The following CHST4 variants were observed in gnomAD, a reference collection of about 807,000 sequenced individuals.
The protein encoded by CHST4 is carbohydrate sulfotransferase 4.
For missense variants in CHST4, 466 were observed against 506.0 expected (o/e 0.92, Z 0.76); for synonymous variants, 171 against 195.5 (o/e 0.87, Z 1.05).
In CHST4 at chr16:71,537,444, T is replaced by G; in HGVS notation, c.767T>G (p.Ile256Ser). ...MQVICQSQLE[I>S]YKTIQSLPKA... ...GTCATCTGCCAAAGCCAGCTGGAGA[T>G]CTACAAGACCATCCAGTCCTTGCCC... The change falls in exon 2 of 2, where the codon ATC becomes AGC. Residue 256 changes from isoleucine (I) to serine (S), a missense_variant. Ile to Ser is a moderately radical substitution (Grantham distance 142). Coordinates refer to ENST00000539698, the MANE Select transcript of CHST4 (RefSeq NM_001166395.2). The surrounding 1 kb of genome is among the most constrained non-coding windows in gnomAD (Gnocchi z 4.2). 1 of 1,614,106 alleles carries G rather than the reference T, an allele frequency of 6.2e-7. No individual in the cohort carries two copies. Among genetic ancestry groups the G allele is most frequent in the East Asian group, 2.2e-5 (1 of 44,868 alleles).
rs1381534071 is a variant in CHST4, at chr16:71,537,241, C to G, written c.564C>G (p.Tyr188Ter). The G allele has an allele frequency of 6.2e-7, 1 of 1,614,222 alleles. No homozygotes were observed. Among genetic ancestry groups the G allele is most frequent in the Admixed American group, 1.7e-5 (1 of 60,026 alleles). ...EVRFFNLQSL[Y>*]PLLKDPSLNL... is the part of the protein sequence containing the mutation. ...GCTTCTTCAACCTGCAGTCCCTCTA[C>G]CCGCTGCTGAAAGACCCCTCCCTCA... The change falls in exon 2 of 2, where the codon TAC (tyrosine) becomes TAG (stop). Residue 188 changes from tyrosine (Y) to a stop codon, truncating the protein, a stop_gained. Coordinates refer to ENST00000539698, the MANE Select transcript of CHST4 (RefSeq NM_001166395.2). LOFTEE classifies it low-confidence loss of function (END_TRUNC). The surrounding 1 kb of genome is among the most constrained non-coding windows in gnomAD (Gnocchi z 4.2).
rs759421392 is a variant in CHST4 at position 71,537,861 on chromosome 16, C to T, written c.*23C>T. 2 of 1,575,246 alleles carry T rather than the reference C, an allele frequency of 1.3e-6. No homozygotes were observed. The highest frequency in any genetic ancestry group is 2.2e-5 in the East Asian group (1 of 44,630). On this transcript the variant is annotated 3_prime_UTR_variant, in exon 2 of 2. Transcript: ENST00000539698. The surrounding 1 kb of genome is among the most constrained non-coding windows in gnomAD (Gnocchi z 4.2). ...TAAGAGGGTTGAGAAGGCTTTGCTGCCACCTGGTGTCAGCCTCAGTCACTT... is the reference window on the plus strand; with the variant it reads ...TAAGAGGGTTGAGAAGGCTTTGCTGTCACCTGGTGTCAGCCTCAGTCACTT...
intron 1 of CHST4, among the ~76,000 whole-genome samples, chr16:71,528,350 A>G (rs1402904492): frequency 6.6e-6 from 1 of 151,890 alleles, no homozygotes; most frequent in Non-Finnish European, 1.5e-5. Context: ...ATCTTGCTCA[A>G]TCTTCCTTTC....
chr16:71,536,817 T>C lies in CHST4; in HGVS notation c.140T>C (p.Val47Ala). The stretch of plus-strand genomic sequence containing the variant: ...CAGCCCGAGCGCATGCACGTGCTGG[T>C]TCTGTCTTCCTGGCGCTCTGGCTCT... ...KAQPERMHVL[V>A]LSSWRSGSSF... Residue 47 changes from valine (V) to alanine (A), a missense_variant, in exon 2 of 2, where the codon GTT becomes GCT. Physicochemically the swap from Val to Ala is moderately conservative, Grantham distance 64. Coordinates refer to ENST00000539698, the MANE Select transcript of CHST4 (RefSeq NM_001166395.2). 6.5e-7 allele frequency: 1 copy of C among 1,536,200 alleles called. No individual in the cohort carries two copies. The highest frequency in any genetic ancestry group is 8.8e-7 in the Non-Finnish European group (1 of 1,142,094).
intron 1 of CHST4, among the ~76,000 whole-genome samples, chr16:71,530,489 G>T (rs2043939998): frequency 6.6e-6 from 1 of 152,162 alleles, no homozygotes; most frequent in Non-Finnish European, 1.5e-5. Flanking sequence ...ATTTTGGCCA[G>T]GTGCGGTGGC....
intron 1 of CHST4, among the ~76,000 whole-genome samples, chr16:71,529,965 T>C (rs1401705740): frequency 2.6e-5 from 4 of 151,988 alleles, no homozygotes; most frequent in Admixed American, 6.6e-5. Flanking sequence ...CTGACCAACA[T>C]GGCGAATCCC....
At chr16:71,532,907 A>AT (rs2043958781) in intron 1 of CHST4, among the ~76,000 whole-genome samples, 1 of 152,248 alleles carries the variant, frequency 6.6e-6, no homozygotes, top group Non-Finnish European at 1.5e-5. Context: ...GTTAATCCAT[A>AT]TAATACTTCT....
chr16:71,537,215 C>A lies in CHST4; in HGVS notation c.538C>A (p.Arg180Ser). 6.2e-7 allele frequency: 1 copy of A among 1,614,128 alleles called. No individual in the cohort carries two copies. ...CAGCCACGTGGTGCTCAAGGAGGTG[C>A]GCTTCTTCAACCTGCAGTCCCTCTA... is the stretch of plus-strand genomic sequence containing the variant. ...SYSHVVLKEV[R>S]FFNLQSLYPL... is the part of the protein sequence containing the mutation. Residue 180 changes from arginine (R) to serine (S), a missense_variant, in exon 2 of 2, where the codon CGC becomes AGC. By Grantham distance (110) the Arg-to-Ser change is moderately radical. Transcript: ENST00000539698. The surrounding 1 kb of genome is among the most constrained non-coding windows in gnomAD (Gnocchi z 4.2).
At chr16:71,530,665 G>T (rs1385881873) in intron 1 of CHST4, among the ~76,000 whole-genome samples, 1 of 152,088 alleles carries the variant, frequency 6.6e-6, no homozygotes, top group Non-Finnish European at 1.5e-5. Context: ...TACTGGGGAG[G>T]CTGAGACAGG....
chr16:71,534,162 G>A (rs183907156), intron 1 of CHST4, among the ~76,000 whole-genome samples: 4 of 151,984 alleles, frequency 2.6e-5, no homozygotes, highest in African/African-American at 9.6e-5. Context: ...CTGAGAAAAC[G>A]CTTGTTTTAA....
intron 1 of CHST4, among the ~76,000 whole-genome samples, chr16:71,531,247 G>T (rs569735439): frequency 1.3e-5 from 2 of 152,186 alleles, no homozygotes; most frequent in South Asian, 4.2e-4. Flanking sequence ...CTTCCATGAA[G>T]CGCCCTGGTG....
At chr16:71,532,705 G>A (rs1306058763) in intron 1 of CHST4, among the ~76,000 whole-genome samples, 1 of 152,146 alleles carries the variant, frequency 6.6e-6, no homozygotes, top group Non-Finnish European at 1.5e-5. Flanking sequence ...ACTCTCACAG[G>A]TCTCTGGAGC....
At chr16:71,530,492 G>A (rs2043940021) in intron 1 of CHST4, among the ~76,000 whole-genome samples, 4 of 152,162 alleles carry the variant, frequency 2.6e-5, no homozygotes, top group Admixed American at 1.3e-4. Flanking sequence ...TTGGCCAGGT[G>A]CGGTGGCTCA....
chr16:71,526,965 T>C (rs1212302361), intron 1 of CHST4, among the ~76,000 whole-genome samples: 2 of 152,162 alleles, frequency 1.3e-5, no homozygotes, highest in African/African-American at 4.8e-5. Context: ...CCCCAAAACC[T>C]GGGTTCTGAT....
chr16:71,529,541 C>CTTT (rs1217192011), intron 1 of CHST4, among the ~76,000 whole-genome samples: 10 of 58,716 alleles, frequency 1.7e-4, no homozygotes, highest in South Asian at 7.6e-4. Context: ...CCATGCTCAT[C>CTTT]TATTTTTTTT....
intron 1 of CHST4, among the ~76,000 whole-genome samples, chr16:71,530,036 G>T (rs1356854632): frequency 6.6e-6 from 1 of 152,164 alleles, no homozygotes; most frequent in African/African-American, 2.4e-5. Context: ...TCCTGGGGAG[G>T]CTGAGGCAGG....
intron 1 of CHST4, among the ~76,000 whole-genome samples, chr16:71,528,703 T>A (rs2043925327): frequency 6.6e-6 from 1 of 152,182 alleles, no homozygotes; most frequent in Admixed American, 6.5e-5. Context: ...TCATGGGAAG[T>A]GTAAGTTAGG....
At position 71,537,141 on chromosome 16, in the gene CHST4, T is replaced by C. The variant is rs1452012087; in HGVS notation, c.464T>C (p.Leu155Pro). ...EIIPRAHCRL[L>P]CSQQPFEVVE... ...ATCCCCCGGGCTCACTGCAGGCTCC[T>C]GTGCAGTCAACAGCCCTTTGAGGTG... is the stretch of plus-strand genomic sequence containing the variant. The change falls in exon 2 of 2, where the codon CTG (leucine) becomes CCG (proline). Residue 155 changes from leucine to proline, a missense_variant. By Grantham distance (98) the Leu-to-Pro change is moderately conservative (BLOSUM62 -3). Coordinates refer to ENST00000539698, the MANE Select transcript of CHST4 (RefSeq NM_001166395.2). The surrounding 1 kb of genome is among the most constrained non-coding windows in gnomAD (Gnocchi z 4.2). 1 of 1,614,144 alleles carries C rather than the reference T, an allele frequency of 6.2e-7. No homozygotes were observed. Among genetic ancestry groups the C allele is most frequent in the Non-Finnish European group, 8.5e-7 (1 of 1,180,020 alleles).
At chr16:71,532,173 G>A (rs1479691586) in intron 1 of CHST4, among the ~76,000 whole-genome samples, 4 of 149,768 alleles carry the variant, frequency 2.7e-5, no homozygotes, top group African/African-American at 9.8e-5. Context: ...TCAGCCTCCC[G>A]AGTAGCTGGG....
Sources: allele counts gnomAD v4.1 joint callset (sites outside exome capture counted in the v4.1 genomes callset), GRCh38; gene constraint gnomAD v4.1.1; non-coding constraint Gnocchi (gnomAD v3.1); transcripts MANE v1.5; gene names NCBI Gene and HGNC (gene_info 2026-07-23, HGNC 2026-07-21).